The following METTL8 variants were observed in gnomAD, a reference collection of about 807,000 sequenced individuals.
METTL8 encodes the protein tRNA N(3)-cytidine methyltransferase METTL8, mitochondrial.
Under a neutral mutation model 48.7 loss-of-function variants are expected in METTL8, and 32 were observed. The observed-to-expected ratio is 0.66, with a 90% confidence interval of 0.50 to 0.88. The LOEUF (loss-of-function observed/expected upper bound fraction) is 0.88. Ranked by LOEUF, METTL8 falls within the 40% of genes least tolerant of loss-of-function variation. METTL8 has a pLI of 0.00. For missense variants in METTL8, 464 were observed against 474.4 expected, an observed-to-expected ratio of 0.98 and a Z score of 0.20; for synonymous variants, 136 against 157.1, an observed-to-expected ratio of 0.87 and a Z score of 1.01.
chr2:171,330,491 A>T, intron 7 of METTL8, 68 bp downstream of exon 7: 1 of 1,462,048 alleles, frequency 6.8e-7, no homozygotes, highest in Admixed American at 2.1e-5. Context: ...TTTTGCTTTG[A>T]TAGTTCTGAA....
rs1384115807 is a variant in METTL8, at chr2:171,317,349, C to CA, written c.*6822dup. 3 of 152,162 alleles carry CA rather than the reference C, an allele frequency of 2.0e-5. No individual in the cohort carries two copies. Among genetic ancestry groups the CA allele is most frequent in the Non-Finnish European group, 4.4e-5 (3 of 68,008 alleles). 9.4% of individuals were successfully genotyped at this position (152,162 alleles called of 1,614,324 possible). ...AATTTTTATAAGCATAACAAAATTC[C>CA]ATTTTTCTGGACCAAACCTCATCAG... On this transcript the variant is annotated 3_prime_UTR_variant, in exon 10 of 10. Coordinates refer to ENST00000375258, the MANE Select transcript of METTL8 (RefSeq NM_001321154.2).
chr2:171,376,589 C>T (rs1686991911), intron 2 of METTL8, among the ~76,000 whole-genome samples: 1 of 152,076 alleles, frequency 6.6e-6, no homozygotes, highest in African/African-American at 2.4e-5. Flanking sequence ...TAACTCAATC[C>T]CTTTTATAAA....
intron 3 of METTL8, among the ~76,000 whole-genome samples, chr2:171,356,950 A>ATTTTTTTTTTTTTTT (rs1202277226): frequency 0.025 from 119 of 4,744 alleles, 4 homozygotes; most frequent in African/African-American, 0.033. Context: ...TTCAAAGACA[A>ATTTTTTTTTTTTTTT]TATTTTTTTT....
rs1684685216 is a variant in METTL8, at chr2:171,324,061, G to A, written c.*111C>T. 2.2e-6 allele frequency: 2 copies of A among 907,238 alleles called. No homozygotes were observed. Among genetic ancestry groups the A allele is most frequent in the Non-Finnish European group, 3.2e-6 (2 of 615,938 alleles). The allele number at this position is 907,238 out of a possible 1,614,324, so 56.2% of individuals were successfully genotyped here. ...GAGCTCACCTATGACAAAACGGCAG[G>A]AAATACAAATTCTCTTCTTTTTTTC... On this transcript the variant is annotated 3_prime_UTR_variant, in exon 10 of 10. Transcript: ENST00000375258.
At position 171,350,061 on chromosome 2, in the gene METTL8, C is replaced by T. The variant is rs559766845; in HGVS notation, c.235+10361G>A. On this transcript the variant is annotated intron_variant, in intron 3 of 9. Transcript: ENST00000375258. Reference sequence around the variant, plus strand: ...TTGTGCCATGTTGGTGTGCTGCACCCATTAACTCGTCATTTACATTAGGTA... The same window carrying T: ...TTGTGCCATGTTGGTGTGCTGCACCTATTAACTCGTCATTTACATTAGGTA... 1.1e-4 allele frequency among the ~76,000 whole-genome samples: 17 copies of T among 152,194 alleles called. No homozygotes were observed. In the East Asian group the frequency reaches 1.3e-3, roughly 12 times the overall value.
At chr2:171,354,977 T>C (rs1224246224) in intron 3 of METTL8, among the ~76,000 whole-genome samples, 1 of 152,240 alleles carries the variant, frequency 6.6e-6, no homozygotes, top group Non-Finnish European at 1.5e-5. Context: ...CTTGTCAAAG[T>C]CTTTCTCCAT....
At chr2:171,430,039 GT>G (rs981633006) in intron 1 of METTL8, among the ~76,000 whole-genome samples, 5 of 145,000 alleles carry the variant, frequency 3.4e-5, no homozygotes, top group African/African-American at 1.3e-4. Context: ...AAAAAACTCC[GT>G]CTCAAAAAGA....
intron 2 of METTL8, chr2:171,375,024 C>T: frequency 9.6e-7 from 1 of 1,039,174 alleles, no homozygotes; most frequent in Admixed American, 1.7e-5. Context: ...GAGATCGATT[C>T]CTGACTACTT....
At chr2:171,397,249 C>T (rs1449594479) in intron 1 of METTL8, among the ~76,000 whole-genome samples, 13 of 148,574 alleles carry the variant, frequency 8.7e-5, no homozygotes, top group Non-Finnish European at 1.9e-4. Context: ...CATGGTAGTT[C>T]ACGTCTGTAA....
chr2:171,341,918 T>A (rs1290411574), intron 3 of METTL8, among the ~76,000 whole-genome samples: 1 of 151,854 alleles, frequency 6.6e-6, no homozygotes, highest in African/African-American at 2.4e-5. Flanking sequence ...TAATCAGTAA[T>A]ACTGGTTGCC....
Position 171,325,921 on chromosome 2 carries a change from G to C in METTL8, c.968-15C>G. 1.3e-6 allele frequency: 2 copies of C among 1,560,872 alleles called. No homozygotes were observed. Among genetic ancestry groups the C allele is most frequent in the Non-Finnish European group, 1.8e-6 (2 of 1,138,106 alleles). ...TAAACAATGTCCTGAAAAAAATTGT[G>C]AAAAGAGAAACTCTTAAGGGTATTC... On this transcript the variant is annotated splice_polypyrimidine_tract_variant and intron_variant, in intron 8 of 9. Coordinates refer to ENST00000375258, the MANE Select transcript of METTL8 (RefSeq NM_001321154.2).
intron 2 of METTL8, among the ~76,000 whole-genome samples, chr2:171,367,856 T>C (rs920126894): frequency 9.2e-5 from 14 of 152,324 alleles, no homozygotes; most frequent in Middle Eastern, 3.4e-3. Context: ...ACAAAGCACA[T>C]TGTAATGTCT....
At chr2:171,402,210 T>C (rs1689716708) in intron 1 of METTL8, among the ~76,000 whole-genome samples, 2 of 151,896 alleles carry the variant, frequency 1.3e-5, no homozygotes, top group South Asian at 4.1e-4. Context: ...TTAGCACAAA[T>C]AAAGATTAAA....
At chr2:171,336,157 C>T (rs1280642197) in intron 5 of METTL8, among the ~76,000 whole-genome samples, 3 of 151,346 alleles carry the variant, frequency 2.0e-5, no homozygotes, top group Non-Finnish European at 4.4e-5. Context: ...AGTGCAGTGG[C>T]GCATCTCAGC....
rs910286583 is a variant in METTL8, at chr2:171,364,060, G to A, written c.144-3547C>T. On this transcript the variant is annotated intron_variant, in intron 2 of 9. Transcript: ENST00000375258. ...ACTCCTGACCTCAGGTGATTTGCCC[G>A]CCTCAGCCTCCCAAAGTGCTAGGAT... Among the ~76,000 whole-genome samples, 6 of 151,758 alleles carry A rather than the reference G, an allele frequency of 4.0e-5. No homozygotes were observed. The South Asian group carries it at 8.3e-4, about 21-fold the overall frequency.
Position 171,369,838 on chromosome 2 carries a change from C to T in METTL8, c.144-9325G>A, listed in dbSNP as rs531226216. On this transcript the variant is annotated intron_variant, in intron 2 of 9. Coordinates refer to ENST00000375258, the MANE Select transcript of METTL8 (RefSeq NM_001321154.2). ...ATACCAGCATTTTGGGAGGCCAAGG[C>T]GGGCGGATCATGAGGTCAGGAGTTC... 1.0e-3 allele frequency among the ~76,000 whole-genome samples: 159 copies of T among 151,992 alleles called. 1 individual carries two copies. The highest frequency in any genetic ancestry group is 4.2e-4 in the South Asian group (2 of 4,800).
chr2:171,429,264 A>T (rs1449365246), intron 1 of METTL8, among the ~76,000 whole-genome samples: 1 of 152,224 alleles, frequency 6.6e-6, no homozygotes, highest in African/African-American at 2.4e-5. Flanking sequence ...TGTCATTGAT[A>T]CATGTTAATG....
At position 171,316,433 on chromosome 2, in the gene METTL8, A is replaced by G. The variant is rs1684267334; in HGVS notation, c.*7739T>C. Reference sequence around the variant, plus strand: ...TTCCTTGCACTATTTGGCAAGAGAAAGAAGCACCTGGAGAGTGAGTTAGGG... The same window carrying G: ...TTCCTTGCACTATTTGGCAAGAGAAGGAAGCACCTGGAGAGTGAGTTAGGG... On this transcript the variant is annotated 3_prime_UTR_variant, in exon 10 of 10. Transcript: ENST00000375258. 6.6e-6 allele frequency among the ~76,000 whole-genome samples: 1 copy of G among 152,264 alleles called. No individual in the cohort carries two copies. The highest frequency in any genetic ancestry group is 1.5e-5 in the Non-Finnish European group (1 of 68,044).
intron 7 of METTL8, among the ~76,000 whole-genome samples, chr2:171,329,326 G>GA (rs1444259784): frequency 6.6e-6 from 1 of 152,202 alleles, no homozygotes; most frequent in Non-Finnish European, 1.5e-5. Context: ...CAAATCATGA[G>GA]AAAATACATT....
Sources: gnomAD v4.1 joint callset for allele counts (sites outside exome capture counted in the v4.1 genomes callset) on GRCh38, gnomAD v4.1.1 for gene constraint, MANE v1.5 for transcripts, NCBI Gene and HGNC (gene_info 2026-07-23, HGNC 2026-07-21) for gene names.